MYRIP: variants seen among roughly 807,000 people sequenced by gnomAD.
MYRIP encodes the protein rab effector MyRIP.
MYRIP carries 49 observed loss-of-function variants against 98.0 expected under a neutral mutation model. The ratio of observed to expected loss-of-function variants is 0.50; its 90% CI spans 0.40 to 0.63. The LOEUF (loss-of-function observed/expected upper bound fraction) is 0.63. Ranked by LOEUF, MYRIP falls within the 30% of genes least tolerant of loss-of-function variation. MYRIP has a pLI of 0.00. For synonymous variants in MYRIP, 404 were observed against 409.5 expected, an observed-to-expected ratio of 0.99 and a Z score of 0.16; for missense variants, 1,004 against 1,058.2, an observed-to-expected ratio of 0.95 and a Z score of 0.71.
At chr3:40,210,165 G>C in intron 11 of MYRIP, 72 bp downstream of exon 11, 1 of 1,526,990 alleles carries the variant, frequency 6.5e-7, no homozygotes, top group Non-Finnish European at 8.8e-7. Context: ...ATCCTATATT[G>C]GTGCAGAAAG....
chr3:40,124,298 A>T (rs974797989), intron 3 of MYRIP, among the ~76,000 whole-genome samples: 2 of 152,208 alleles, frequency 1.3e-5, no homozygotes, highest in Non-Finnish European at 2.9e-5. Context: ...ACCAAACCAC[A>T]GACTCACTTG....
intron 4 of MYRIP, among the ~76,000 whole-genome samples, chr3:40,156,378 C>CT (rs1382218169): frequency 6.6e-6 from 1 of 152,138 alleles, no homozygotes; most frequent in Non-Finnish European, 1.5e-5. Flanking sequence ...CAGTACCATG[C>CT]TTGTTTGGTT....
At chr3:40,172,850 C>T (rs1950647048) in intron 8 of MYRIP, among the ~76,000 whole-genome samples, 1 of 152,194 alleles carries the variant, frequency 6.6e-6, no homozygotes, top group African/African-American at 2.4e-5. Context: ...CATTTCCATC[C>T]ACTCACTGCA....
chr3:40,182,470 A>G (rs375755731), intron 9 of MYRIP, 97 bp downstream of exon 9: 4 of 1,399,448 alleles, frequency 2.9e-6, no homozygotes, highest in African/African-American at 1.4e-5. Context: ...TCTTCTTCCC[A>G]TAAGTCTGAA....
chr3:40,189,941 G>T lies in MYRIP; in HGVS notation c.1143G>T (p.Glu381Asp), dbSNP rs1436495015. 1.2e-6 allele frequency: 2 copies of T among 1,614,172 alleles called. No homozygotes were observed. Among genetic ancestry groups the T allele is most frequent in the Non-Finnish European group, 1.7e-6 (2 of 1,180,040 alleles). Residue 381 changes from glutamate (E) to aspartate (D), a missense_variant, in exon 10 of 17, where the codon GAG becomes GAT. By Grantham distance (45) the Glu-to-Asp change is conservative. Coordinates refer to ENST00000302541, the MANE Select transcript of MYRIP (RefSeq NM_015460.4). ...KPKSGTFQAL[E>D]VASSVASAYD... Reference sequence around the variant, plus strand: ...AGAGCGGGACGTTTCAGGCCCTGGAGGTGGCCTCCAGTGTGGCATCTGCCT... The same window carrying T: ...AGAGCGGGACGTTTCAGGCCCTGGATGTGGCCTCCAGTGTGGCATCTGCCT...
At chr3:39,815,814 G>A (rs547926109) in intron 1 of MYRIP, among the ~76,000 whole-genome samples, 1 of 151,432 alleles carries the variant, frequency 6.6e-6, no homozygotes, top group East Asian at 1.9e-4. Context: ...CAAGAGTATG[G>A]TGGTTACTTT....
At chr3:40,121,173 G>A (rs1949396843) in intron 3 of MYRIP, among the ~76,000 whole-genome samples, 2 of 152,278 alleles carry the variant, frequency 1.3e-5, no homozygotes, top group South Asian at 2.1e-4. Context: ...AAGAGGATGT[G>A]CTGCTGTGCC....
intron 10 of MYRIP, among the ~76,000 whole-genome samples, chr3:40,192,327 T>TTATA (rs1559444956): frequency 8.8e-5 from 1 of 11,332 alleles, no homozygotes; most frequent in Non-Finnish European, 3.2e-4. Flanking sequence ...TATATATATG[T>TTATA]CATATATATA....
intron 7 of MYRIP, among the ~76,000 whole-genome samples, chr3:40,168,499 CT>C (rs1437537083): frequency 1.3e-5 from 2 of 152,358 alleles, no homozygotes; most frequent in Admixed American, 1.3e-4. Context: ...ACACACACCG[CT>C]TTCCCACCAT....
intron 5 of MYRIP, among the ~76,000 whole-genome samples, chr3:40,165,750 A>G (rs983001779): frequency 7.2e-5 from 4 of 55,232 alleles, no homozygotes; most frequent in Non-Finnish European, 1.5e-4. Flanking sequence ...ATTTGTTGCC[A>G]TATCTTAAAA....
chr3:40,138,536 G>C (rs1949829773), intron 3 of MYRIP, among the ~76,000 whole-genome samples: 1 of 152,130 alleles, frequency 6.6e-6, no homozygotes, highest in South Asian at 2.1e-4. Context: ...AATGTTTAAA[G>C]TTTTTAATAA....
chr3:40,069,252 C>T (rs769157577), intron 3 of MYRIP, among the ~76,000 whole-genome samples: 4 of 152,132 alleles, frequency 2.6e-5, no homozygotes, highest in Non-Finnish European at 5.9e-5. Flanking sequence ...ACAGAAGCTA[C>T]GCACCACCAC....
intron 3 of MYRIP, among the ~76,000 whole-genome samples, chr3:40,104,715 A>G (rs1472664237): frequency 6.6e-6 from 1 of 152,222 alleles, no homozygotes; most frequent in Admixed American, 6.5e-5. Context: ...TAATCTAAAC[A>G]TACATAATTC....
At chr3:39,878,274 A>G (rs911972890) in intron 1 of MYRIP, among the ~76,000 whole-genome samples, 5 of 152,148 alleles carry the variant, frequency 3.3e-5, no homozygotes, top group Non-Finnish European at 7.4e-5. Context: ...TAGGAAAGGG[A>G]ACTCCCTGAC....
intron 1 of MYRIP, among the ~76,000 whole-genome samples, chr3:39,836,133 T>G (rs9851607): frequency 0.051 from 7,758 of 152,158 alleles, 406 homozygotes; most frequent in African/African-American, 0.13. Context: ...TGGGTCAAAT[T>G]GTATTTCTGG....
At chr3:40,083,064 T>G (rs1001962495) in intron 3 of MYRIP, among the ~76,000 whole-genome samples, 3 of 152,206 alleles carry the variant, frequency 2.0e-5, no homozygotes, top group African/African-American at 4.8e-5. Flanking sequence ...ATGAGGGAGC[T>G]CACAGGAATT....
chr3:40,167,870 C>A (rs1388337630), intron 7 of MYRIP, among the ~76,000 whole-genome samples: 1 of 152,148 alleles, frequency 6.6e-6, no homozygotes, highest in African/African-American at 2.4e-5. Flanking sequence ...CACAGAGCAG[C>A]AGGGTCTGGG....
At chr3:40,234,641 G>A (rs926637759) in intron 12 of MYRIP, among the ~76,000 whole-genome samples, 4 of 152,140 alleles carry the variant, frequency 2.6e-5, no homozygotes, top group Non-Finnish European at 4.4e-5. Context: ...GGAATGAAGT[G>A]GTTGCCAGAA....
intron 5 of MYRIP, among the ~76,000 whole-genome samples, chr3:40,164,994 T>C (rs1950473166): frequency 6.6e-6 from 1 of 152,234 alleles, no homozygotes; most frequent in Non-Finnish European, 1.5e-5. Flanking sequence ...TCACAGAGCC[T>C]AGCACACAAA....
Sources: allele counts gnomAD v4.1 joint callset (sites outside exome capture counted in the v4.1 genomes callset), GRCh38; gene constraint gnomAD v4.1.1; transcripts MANE v1.5; gene names NCBI Gene and HGNC (gene_info 2026-07-23, HGNC 2026-07-21).